The following GNAQ variants were observed in gnomAD, a reference collection of about 807,000 sequenced individuals.
GNAQ encodes G protein subunit alpha q, also known as guanine nucleotide-binding protein G(q) subunit alpha.
A neutral mutation model predicts 43.9 loss-of-function variants in GNAQ; 8 were observed. The observed-to-expected ratio is 0.18, with a 90% CI of 0.11 to 0.33. GNAQ has a LOEUF of 0.33. Among genes scored for constraint, GNAQ ranks in the 10% least tolerant of loss-of-function variants. The pLI is 1.00. For synonymous variants in GNAQ, 155 were observed against 170.7 expected (o/e 0.91, Z 0.71); for missense variants, 158 against 450.8 (o/e 0.35, Z 5.88).
chr9:77,732,221 G>C (rs1022178902), intron 5 of GNAQ, among the ~76,000 whole-genome samples: 2 of 152,180 alleles, frequency 1.3e-5, no homozygotes, highest in Non-Finnish European at 2.9e-5. Flanking sequence ...CGAGCCACGT[G>C]TATGACCCAT....
At chr9:77,885,905 G>A (rs1031673672) in intron 2 of GNAQ, among the ~76,000 whole-genome samples, 14 of 152,030 alleles carry the variant, frequency 9.2e-5, no homozygotes, top group Non-Finnish European at 1.8e-4. Context: ...TCCCCTTAAG[G>A]TTTAAAATTG....
At position 77,959,699 on chromosome 9, in the gene GNAQ, T is replaced by C. The variant is rs1337876199; in HGVS notation, c.137-37354A>G. 2.0e-5 allele frequency among the ~76,000 whole-genome samples: 3 copies of C among 152,304 alleles called. No homozygotes were observed. In the East Asian group the frequency reaches 5.8e-4, roughly 29 times the overall value. On this transcript the variant is annotated intron_variant, in intron 1 of 6. Coordinates refer to ENST00000286548, the MANE Select transcript of GNAQ (RefSeq NM_002072.5). The stretch of plus-strand genomic sequence containing the variant: ...TAATTGCTAAAAATCATTGAGTTTT[T>C]CTCTTCCTACCTTGCACAATATTTA...
intron 1 of GNAQ, among the ~76,000 whole-genome samples, chr9:77,965,569 G>A (rs950815639): frequency 2.0e-5 from 3 of 152,094 alleles, no homozygotes; most frequent in African/African-American, 7.2e-5. Flanking sequence ...TATCGAAAAA[G>A]TTATACAGAT....
At chr9:77,962,058 A>C (rs1429324678) in intron 1 of GNAQ, among the ~76,000 whole-genome samples, 1 of 152,194 alleles carries the variant, frequency 6.6e-6, no homozygotes, top group Non-Finnish European at 1.5e-5. Context: ...AGATAGAAAT[A>C]AGAGCAGATG....
chr9:77,996,406 G>A (rs990747746), intron 1 of GNAQ, among the ~76,000 whole-genome samples: 28 of 152,236 alleles, frequency 1.8e-4, no homozygotes, highest in Admixed American at 1.6e-3. Context: ...TTGGCTAGGC[G>A]CGGTGGCTCA....
intron 1 of GNAQ, among the ~76,000 whole-genome samples, chr9:78,013,460 CCGCT>C (rs1482054721): frequency 2.6e-5 from 4 of 151,906 alleles, no homozygotes; most frequent in Admixed American, 2.6e-4. Context: ...CTATCCCTCC[CCGCT>C]CCCCCCACCC....
chr9:77,832,645 C>A (rs1827318470), intron 2 of GNAQ, among the ~76,000 whole-genome samples: 1 of 152,218 alleles, frequency 6.6e-6, no homozygotes, highest in South Asian at 2.1e-4. Flanking sequence ...TTAAGGTTAA[C>A]TGAATGCATA....
chr9:77,988,761 T>G (rs138764560), intron 1 of GNAQ, among the ~76,000 whole-genome samples: 1 of 152,224 alleles, frequency 6.6e-6, no homozygotes, highest in Non-Finnish European at 1.5e-5. Context: ...ATGAAGACAG[T>G]AGCATCTTCC....
intron 5 of GNAQ, among the ~76,000 whole-genome samples, chr9:77,761,967 C>T (rs1475880591): frequency 3.0e-4 from 39 of 131,690 alleles, no homozygotes; most frequent in East Asian, 4.9e-4. Context: ...GCCCCCCGCC[C>T]GGCCAGCCGC....
intron 2 of GNAQ, among the ~76,000 whole-genome samples, chr9:77,852,188 A>G (rs912098812): frequency 6.6e-6 from 1 of 152,200 alleles, no homozygotes; most frequent in Non-Finnish European, 1.5e-5. Context: ...TCATGTTTTC[A>G]TGAAACTAGA....
At chr9:77,906,010 G>A (rs938308742) in intron 2 of GNAQ, among the ~76,000 whole-genome samples, 2 of 152,058 alleles carry the variant, frequency 1.3e-5, no homozygotes, top group South Asian at 2.1e-4. Flanking sequence ...TGACAGGTTG[G>A]TTGGTGCAGC....
In GNAQ at chr9:77,802,468, A is replaced by G. The variant is rs139163626; in HGVS notation, c.477-4820T>C. ...ATCTCTTAACTGAATTGTACTTTCC[A>G]TTGAAGCATTTTCTATTCTAAAAAA... is the stretch of plus-strand genomic sequence containing the variant. On this transcript the variant is annotated intron_variant, in intron 3 of 6. Transcript: ENST00000286548. Among the ~76,000 whole-genome samples the G allele has an allele frequency of 2.7e-3, 405 of 152,178 alleles. 2 individuals are homozygous for G. Among genetic ancestry groups the G allele is most frequent in the African/African-American group, 9.4e-3 (389 of 41,538 alleles).
intron 2 of GNAQ, among the ~76,000 whole-genome samples, chr9:77,893,815 G>A (rs1828443626): frequency 6.6e-6 from 1 of 152,106 alleles, no homozygotes; most frequent in Non-Finnish European, 1.5e-5. Flanking sequence ...AAGAATTCAA[G>A]GAAATCAGGT....
rs1824063644 is a variant in GNAQ, at chr9:78,031,631, G to A, written c.-396C>T. ...CGCCTGCGAGGCTCCCCTACGCCGT[G>A]CGCCTGGCGGCGAGAGCTCATTCAC... On this transcript the variant is annotated 5_prime_UTR_variant, in exon 1 of 7. Transcript: ENST00000286548. 6.8e-6 allele frequency among the ~76,000 whole-genome samples: 1 copy of A among 147,362 alleles called. No homozygotes were observed. Among genetic ancestry groups the A allele is most frequent in the African/African-American group, 2.5e-5 (1 of 40,768 alleles).
chr9:77,977,769 T>C (rs768365224), intron 1 of GNAQ, among the ~76,000 whole-genome samples: 9 of 152,172 alleles, frequency 5.9e-5, no homozygotes, highest in Non-Finnish European at 1.2e-4. Flanking sequence ...TTCTTTCCTT[T>C]ATGTTTCTTC....
chr9:77,857,820 A>G (rs1827783467), intron 2 of GNAQ, among the ~76,000 whole-genome samples: 1 of 150,338 alleles, frequency 6.7e-6, no homozygotes, highest in Non-Finnish European at 1.5e-5. Flanking sequence ...TCTCCTGTTT[A>G]CCTTAATGAA....
intron 2 of GNAQ, among the ~76,000 whole-genome samples, chr9:77,853,261 C>A (rs550725937): frequency 6.6e-6 from 1 of 152,134 alleles, no homozygotes; most frequent in Admixed American, 6.6e-5. Context: ...CTATGTGGCT[C>A]TTTGGGCATA....
chr9:77,928,712 T>C (rs1169868437), intron 1 of GNAQ, among the ~76,000 whole-genome samples: 1 of 152,168 alleles, frequency 6.6e-6, no homozygotes, highest in Non-Finnish European at 1.5e-5. Context: ...AACATAAATT[T>C]GTACACTTTA....
intron 1 of GNAQ, among the ~76,000 whole-genome samples, chr9:78,023,647 A>C (rs1823939138): frequency 6.6e-6 from 1 of 152,172 alleles, no homozygotes; most frequent in Non-Finnish European, 1.5e-5. Flanking sequence ...TGTAGGAAAG[A>C]AACAATAAAA....
Sources: gnomAD v4.1 joint callset for allele counts (sites outside exome capture counted in the v4.1 genomes callset) on GRCh38, gnomAD v4.1.1 for gene constraint, MANE v1.5 for transcripts, NCBI Gene and HGNC (gene_info 2026-07-23, HGNC 2026-07-21) for gene names.